MAML2: variants seen among roughly 807,000 people sequenced by gnomAD.
MAML2 encodes mastermind like transcriptional coactivator 2.
In MAML2, 22 loss-of-function variants were observed where a neutral mutation model predicts 96.1. The ratio of observed to expected loss-of-function variants is 0.23; its 90% CI spans 0.16 to 0.33. The LOEUF (loss-of-function observed/expected upper bound fraction) is 0.33, where lower values mean the gene tolerates loss of function less well. MAML2 is among the 10% of genes least tolerant of loss of function. The pLI is 1.00. For missense variants in MAML2, 1,367 were observed against 1,392.4 expected, an observed-to-expected ratio of 0.98 and a Z score of 0.29; for synonymous variants, 561 against 521.3, an observed-to-expected ratio of 1.08 and a Z score of -1.04.
rs183006996 is a variant in MAML2, at chr11:96,074,348, A to G, written c.2139+17544T>C. 1.6e-3 allele frequency among the ~76,000 whole-genome samples: 246 copies of G among 152,370 alleles called. 3 individuals are homozygous for G. The highest frequency in any genetic ancestry group is 0.015 in the Admixed American group (227 of 15,304). On this transcript the variant is annotated intron_variant, in intron 2 of 4. Coordinates refer to ENST00000524717, the MANE Select transcript of MAML2 (RefSeq NM_032427.4). ...TATATGCTGTACCTAACAAGTTCAAAGAGTTACCCAGAAACTATTGTCATG... is the reference window on the plus strand; with the variant it reads ...TATATGCTGTACCTAACAAGTTCAAGGAGTTACCCAGAAACTATTGTCATG...
At chr11:96,318,619 T>C (rs974701197) in intron 1 of MAML2, among the ~76,000 whole-genome samples, 15 of 152,344 alleles carry the variant, frequency 9.8e-5, no homozygotes, top group African/African-American at 3.6e-4. Context: ...GTCCTTGTAC[T>C]TATCCTAATT....
chr11:96,103,864 T>A lies in MAML2; in HGVS notation c.514-10347A>T, dbSNP rs76242973. On this transcript the variant is annotated intron_variant, in intron 1 of 4. Coordinates refer to ENST00000524717, the MANE Select transcript of MAML2 (RefSeq NM_032427.4). ...TTCTCAACCCAAACTCCAGCTACAC[T>A]ACTTTTTTGTTTGTTTGTTTTTCAT... Among the ~76,000 whole-genome samples the A allele has an allele frequency of 1.9e-3, 294 of 152,342 alleles. 6 individuals are homozygous for A. In the East Asian group the frequency reaches 0.031, roughly 16 times the overall value.
At chr11:96,091,256 A>T (rs1236402674) in intron 2 of MAML2, among the ~76,000 whole-genome samples, 1 of 152,146 alleles carries the variant, frequency 6.6e-6, no homozygotes, top group Non-Finnish European at 1.5e-5. Flanking sequence ...TTGCCGGGTA[A>T]GATACCCAAA....
chr11:96,078,765 T>C (rs1029909564), intron 2 of MAML2, among the ~76,000 whole-genome samples: 1 of 152,238 alleles, frequency 6.6e-6, no homozygotes, highest in Non-Finnish European at 1.5e-5. Flanking sequence ...GTACTGTTGG[T>C]GCTTGCACAT....
At chr11:96,321,034 T>A (rs890003871) in intron 1 of MAML2, among the ~76,000 whole-genome samples, 1 of 151,590 alleles carries the variant, frequency 6.6e-6, no homozygotes, top group South Asian at 2.1e-4. Flanking sequence ...TGCCTTCAAA[T>A]AGGGTTTGTG....
At chr11:96,070,162 C>T (rs977157159) in intron 2 of MAML2, among the ~76,000 whole-genome samples, 3 of 151,314 alleles carry the variant, frequency 2.0e-5, no homozygotes, top group African/African-American at 4.9e-5. Flanking sequence ...TGGTGGCGGG[C>T]GCCTGTAGTC....
chr11:96,211,267 G>T (rs1427355427), intron 1 of MAML2, among the ~76,000 whole-genome samples: 1 of 152,056 alleles, frequency 6.6e-6, no homozygotes, highest in Non-Finnish European at 1.5e-5. Context: ...AGTTTATGGG[G>T]TGTTAGGTGA....
intron 1 of MAML2, among the ~76,000 whole-genome samples, chr11:96,155,537 T>TCCTC (rs1163817575): frequency 1.1e-5 from 1 of 94,876 alleles, no homozygotes; most frequent in Non-Finnish European, 2.3e-5. Flanking sequence ...TATATATATA[T>TCCTC]ATATATATAT....
At chr11:96,201,814 G>C (rs183587381) in intron 1 of MAML2, among the ~76,000 whole-genome samples, 1 of 151,850 alleles carries the variant, frequency 6.6e-6, no homozygotes, top group Non-Finnish European at 1.5e-5. Flanking sequence ...AGCTACTTGT[G>C]AGGCTGAGGC....
At chr11:96,055,926 A>G (rs1859059395) in intron 2 of MAML2, among the ~76,000 whole-genome samples, 1 of 152,222 alleles carries the variant, frequency 6.6e-6, no homozygotes, top group Non-Finnish European at 1.5e-5. Flanking sequence ...AAAGGTAAAA[A>G]ATGGCTCATT....
At chr11:96,054,003 T>C (rs1220208689) in intron 2 of MAML2, among the ~76,000 whole-genome samples, 2 of 152,166 alleles carry the variant, frequency 1.3e-5, no homozygotes, top group African/African-American at 4.8e-5. Context: ...GAGTTTGTTT[T>C]ACTGTTTTAT....
intron 2 of MAML2, among the ~76,000 whole-genome samples, chr11:96,005,498 AT>A (rs1004249213): frequency 4.1e-4 from 62 of 152,230 alleles, no homozygotes; most frequent in African/African-American, 1.2e-3. Context: ...AAATAATTTG[AT>A]TTTTTTTCTC....
chr11:96,239,766 G>GTCCCATTCATTGGGTCATGTCCC (rs1862408516), intron 1 of MAML2, among the ~76,000 whole-genome samples: 1 of 152,156 alleles, frequency 6.6e-6, no homozygotes, highest in Non-Finnish European at 1.5e-5. Context: ...TCCCAGAGTA[G>GTCCCATTCATTGGGTCATGTCCC]AATGAATGTT....
chr11:96,174,383 C>CTTTAT (rs757279253), intron 1 of MAML2, among the ~76,000 whole-genome samples: 3 of 152,094 alleles, frequency 2.0e-5, no homozygotes, highest in Non-Finnish European at 4.4e-5. Flanking sequence ...ACCTATTTCA[C>CTTTAT]TTTATTTTAT....
Position 96,092,111 on chromosome 11 carries a change from CTGT to C in MAML2, c.1917_1919del (p.Gln665del). ...GCTGCTGTTGTTGCTGCTGCTGCTGCTGTTGGGCTGAAATTGAGCTCTGCTGCT... is the reference window on the plus strand; with the variant it reads ...GCTGCTGTTGTTGCTGCTGCTGCTGCTGGGCTGAAATTGAGCTCTGCTGCT... On this transcript the variant is annotated inframe_deletion, in exon 2 of 5. Transcript: ENST00000524717. This position sits in a 1 kb window ranked among gnomAD's most constrained non-coding sequence, Gnocchi z 4.1. The C allele has an allele frequency of 6.5e-7, 1 of 1,549,750 alleles. No homozygotes were observed. The highest frequency in any genetic ancestry group is 8.7e-7 in the Non-Finnish European group (1 of 1,146,210).
intron 2 of MAML2, among the ~76,000 whole-genome samples, chr11:96,076,430 TCTCACACACACA>T (rs56069287): frequency 0.029 from 3,951 of 136,448 alleles, 65 homozygotes; most frequent in Non-Finnish European, 0.04. Flanking sequence ...TCTCTCTCTC[TCTCACACACACA>T]CACACACACA....
At chr11:96,295,433 A>G (rs943705475) in intron 1 of MAML2, among the ~76,000 whole-genome samples, 5 of 152,192 alleles carry the variant, frequency 3.3e-5, no homozygotes, top group African/African-American at 1.2e-4. Context: ...GAGATGAACT[A>G]TAAACAGAAG....
chr11:96,026,438 A>G (rs1415527712), intron 2 of MAML2, among the ~76,000 whole-genome samples: 4 of 152,182 alleles, frequency 2.6e-5, no homozygotes, highest in African/African-American at 9.6e-5. Flanking sequence ...TAAGTCTCTC[A>G]TCCTCTTAGC....
intron 1 of MAML2, among the ~76,000 whole-genome samples, chr11:96,236,997 G>A (rs1862375025): frequency 6.6e-6 from 1 of 152,114 alleles, no homozygotes; most frequent in Non-Finnish European, 1.5e-5. Context: ...TTCTGACAGA[G>A]AAACCTCTGA....
Sources: allele counts gnomAD v4.1 joint callset (sites outside exome capture counted in the v4.1 genomes callset), GRCh38; gene constraint gnomAD v4.1.1; non-coding constraint Gnocchi (gnomAD v3.1); transcripts MANE v1.5; gene names NCBI Gene and HGNC (gene_info 2026-07-23, HGNC 2026-07-21).